The following CDH12 variants were observed in gnomAD, a reference collection of about 807,000 sequenced individuals.
The protein encoded by CDH12 is cadherin-12.
A neutral mutation model predicts 74.1 loss-of-function variants in CDH12; 41 were observed. That is an observed-to-expected ratio of 0.55 (90% CI 0.43 to 0.72). CDH12 has a LOEUF of 0.72. Among genes scored for constraint, CDH12 ranks in the 30% least tolerant of loss-of-function variants. The probability of loss-of-function intolerance (pLI) is 0.00; values close to 1 mark genes in which losing one functional copy is unlikely to be tolerated. For synonymous variants in CDH12, 399 were observed against 355.0 expected (o/e 1.12, Z -1.39); for missense variants, 945 against 977.2 (o/e 0.97, Z 0.44).
At chr5:22,274,462 G>A (rs1429969387) in intron 3 of CDH12, among the ~76,000 whole-genome samples, 1 of 151,860 alleles carries the variant, frequency 6.6e-6, no homozygotes, top group Non-Finnish European at 1.5e-5. Context: ...TGAAGTCTTG[G>A]CACAGTTTCA....
intron 8 of CDH12, among the ~76,000 whole-genome samples, chr5:21,832,913 A>AATATTAATATATATCATATAATATATGAT (rs1749140030): frequency 1.3e-5 from 1 of 76,868 alleles, no homozygotes; most frequent in Non-Finnish European, 2.0e-5. Flanking sequence ...TATATGATAT[A>AATATTAATATATATCATATAATATATGAT]ATATTAATAT....
At chr5:22,665,277 T>C (rs747117085) in intron 1 of CDH12, among the ~76,000 whole-genome samples, 1 of 152,122 alleles carries the variant, frequency 6.6e-6, no homozygotes, top group Non-Finnish European at 1.5e-5. Flanking sequence ...AATATATTGA[T>C]TGTATATGTT....
chr5:22,395,754 T>C (rs1049777534), intron 3 of CDH12, among the ~76,000 whole-genome samples: 2 of 152,220 alleles, frequency 1.3e-5, no homozygotes, highest in East Asian at 3.9e-4. Flanking sequence ...GTAGATGATA[T>C]TTAGTGATAT....
intron 5 of CDH12, among the ~76,000 whole-genome samples, chr5:21,987,516 A>C (rs1757568076): frequency 6.6e-6 from 1 of 152,200 alleles, no homozygotes; most frequent in South Asian, 2.1e-4. Context: ...AAAGACAAAG[A>C]TATCAACAAT....
chr5:22,519,773 C>T (rs1220548964), intron 1 of CDH12, among the ~76,000 whole-genome samples: 1 of 152,196 alleles, frequency 6.6e-6, no homozygotes, highest in African/African-American at 2.4e-5. Context: ...CAATACTGTT[C>T]AGATCCACAG....
intron 2 of CDH12, among the ~76,000 whole-genome samples, chr5:22,415,963 TA>T (rs1394706739): frequency 2.0e-5 from 3 of 150,934 alleles, no homozygotes; most frequent in Non-Finnish European, 2.9e-5. Flanking sequence ...GTAGATTTGC[TA>T]AATGGTGACC....
intron 3 of CDH12, among the ~76,000 whole-genome samples, chr5:22,220,579 A>T (rs1751978988): frequency 7.2e-6 from 1 of 138,664 alleles, no homozygotes; most frequent in Non-Finnish European, 1.6e-5. Flanking sequence ...CCTTGTTTAT[A>T]AGAAGTGTAA....
rs548190444 is a variant in CDH12, at chr5:22,662,065, A to C, written c.-522-156701T>G. Reference sequence around the variant, plus strand: ...AAAAGCACCACAGAATCAAGTGTGCACTGAACTCTAAGTAGCAACATGACT... The same window carrying C: ...AAAAGCACCACAGAATCAAGTGTGCCCTGAACTCTAAGTAGCAACATGACT... On this transcript the variant is annotated intron_variant, in intron 1 of 14. Coordinates refer to ENST00000382254, the MANE Select transcript of CDH12 (RefSeq NM_004061.5). Among the ~76,000 whole-genome samples, 5 of 152,298 alleles carry C rather than the reference A, an allele frequency of 3.3e-5. No individual in the cohort carries two copies. The East Asian group carries it at 7.7e-4, about 24-fold the overall frequency.
chr5:22,620,684 T>C (rs1737928036), intron 1 of CDH12, among the ~76,000 whole-genome samples: 1 of 152,170 alleles, frequency 6.6e-6, no homozygotes, highest in Non-Finnish European at 1.5e-5. Flanking sequence ...GATCAAATGC[T>C]AGGCTGCCTG....
At chr5:21,802,022 T>G (rs1443556644) in intron 10 of CDH12, 145 bp downstream of exon 10, 1 of 715,144 alleles carries the variant, frequency 1.4e-6, no homozygotes, top group African/African-American at 1.8e-5. Context: ...TCCTCTATTC[T>G]TATGTAAAGT....
chr5:22,636,736 GT>G (rs2126864345), intron 1 of CDH12, among the ~76,000 whole-genome samples: 1 of 152,222 alleles, frequency 6.6e-6, no homozygotes, highest in Admixed American at 6.5e-5. Flanking sequence ...TTTTAACTTA[GT>G]TTTTGCTTAC....
chr5:22,479,596 T>C (rs1256542204), intron 2 of CDH12, among the ~76,000 whole-genome samples: 1 of 152,208 alleles, frequency 6.6e-6, no homozygotes, highest in Non-Finnish European at 1.5e-5. Flanking sequence ...AGAGAATTCC[T>C]GGTGTTACCT....
intron 4 of CDH12, among the ~76,000 whole-genome samples, chr5:22,112,037 T>G (rs774089676): frequency 1.3e-5 from 2 of 152,174 alleles, no homozygotes. Context: ...TATGAATGTA[T>G]TTAGAAATTA....
At chr5:22,021,473 A>G (rs1298237849) in intron 5 of CDH12, among the ~76,000 whole-genome samples, 2 of 152,178 alleles carry the variant, frequency 1.3e-5, no homozygotes, top group Non-Finnish European at 2.9e-5. Context: ...AAAGGTGGAA[A>G]GGTACAAATT....
intron 1 of CDH12, among the ~76,000 whole-genome samples, chr5:22,791,101 G>A (rs1040797640): frequency 6.6e-6 from 1 of 152,106 alleles, no homozygotes; most frequent in Non-Finnish European, 1.5e-5. Flanking sequence ...CACAAAGAAC[G>A]TAACAAAGAG....
At chr5:22,305,242 C>T (rs541540422) in intron 3 of CDH12, among the ~76,000 whole-genome samples, 2 of 152,278 alleles carry the variant, frequency 1.3e-5, no homozygotes, top group South Asian at 2.1e-4. Context: ...AGTTCATCTA[C>T]TGTTCCCTCC....
At chr5:22,780,909 C>G (rs947360677) in intron 1 of CDH12, among the ~76,000 whole-genome samples, 2 of 152,072 alleles carry the variant, frequency 1.3e-5, no homozygotes, top group African/African-American at 4.8e-5. Context: ...ATAGGAACAG[C>G]TCACTGTCAG....
chr5:21,870,416 A>G (rs1179446122), intron 6 of CDH12, among the ~76,000 whole-genome samples: 1 of 152,130 alleles, frequency 6.6e-6, no homozygotes, highest in Non-Finnish European at 1.5e-5. Context: ...AAATGGCAGA[A>G]AAAAAGTGAT....
chr5:22,173,732 TA>T (rs1749175530), intron 4 of CDH12, among the ~76,000 whole-genome samples: 1 of 151,912 alleles, frequency 6.6e-6, no homozygotes, highest in East Asian at 1.9e-4. Flanking sequence ...ACTGTGATAG[TA>T]AAAGCACAAC....
Sources: allele counts gnomAD v4.1 joint callset (sites outside exome capture counted in the v4.1 genomes callset), GRCh38; gene constraint gnomAD v4.1.1; transcripts MANE v1.5; gene names NCBI Gene and HGNC (gene_info 2026-07-23, HGNC 2026-07-21).